Variants in SFI1 observed in about 807,000 individuals in gnomAD.
SFI1 encodes SFI1 centrin binding protein.
A neutral mutation model predicts 207.5 loss-of-function variants in SFI1; 195 were observed. That is an observed-to-expected ratio of 0.94 (90% CI 0.84 to 1.06). The LOEUF is 1.06. SFI1 is among the 50% of genes least tolerant of loss of function. The pLI, the probability that SFI1 is intolerant of heterozygous loss-of-function variation, is 0.00. For missense variants in SFI1, 1,634 were observed against 1,588.0 expected, an observed-to-expected ratio of 1.03 and a Z score of -0.49; for synonymous variants, 630 against 598.9, an observed-to-expected ratio of 1.05 and a Z score of -0.76.
In SFI1 at chr22:31,596,783, C is replaced by CAAA. The variant is rs11427119; in HGVS notation, c.1545-5413_1545-5411dup. On this transcript the variant is annotated intron_variant, in intron 15 of 32. Transcript: ENST00000400288. ...TAGGTGACAGAGCAAGATTCCATCTCAAAAAAAAAAAAAAAAAATGGCTTC... is the reference window on the plus strand; with the variant it reads ...TAGGTGACAGAGCAAGATTCCATCTCAAAAAAAAAAAAAAAAAAAAATGGCTTC... 6.3e-5 allele frequency among the ~76,000 whole-genome samples: 7 copies of CAAA among 111,552 alleles called. No homozygotes were observed. In the East Asian group the frequency reaches 8.2e-4, roughly 13 times the overall value. 73.2% of individuals were successfully genotyped at this position (111,552 alleles called of 152,430 possible). A position where few individuals can be genotyped will look rare whatever the true frequency, so the allele number is the denominator to read the frequency against.
chr22:31,613,127 T>A lies in SFI1; in HGVS notation c.2491-15T>A, dbSNP rs1409848989. 6.8e-6 allele frequency: 11 copies of A among 1,612,324 alleles called. No individual in the cohort carries two copies. Among genetic ancestry groups the A allele is most frequent in the South Asian group, 1.1e-5 (1 of 91,008 alleles). Reference sequence around the variant, plus strand: ...AAGGGGCTATAGGGAAATGATCTGGTCTTTCTGGCCCTAGCTGGCAGCCAG... The same window carrying A: ...AAGGGGCTATAGGGAAATGATCTGGACTTTCTGGCCCTAGCTGGCAGCCAG... On this transcript the variant is annotated splice_polypyrimidine_tract_variant and intron_variant, in intron 24 of 32. Coordinates refer to ENST00000400288, the MANE Select transcript of SFI1 (RefSeq NM_001007467.3).
In SFI1 at chr22:31,618,122, C is replaced by T. The variant is rs750116304; in HGVS notation, c.3520C>T (p.Arg1174Trp). The change falls in exon 32 of 33, where the codon CGG becomes TGG. Residue 1174 changes from arginine (R) to tryptophan (W), a missense_variant. Arg to Trp is a moderately radical substitution (Grantham distance 101, BLOSUM62 -3). Transcript: ENST00000400288. ...QTTKQNLWSC[R>W]RQASSLRRWL... ...GGTATCTCCACCCCTCAGGTCCTGTCGGCGGCAAGCGAGCAGCCTGCGCAG... is the reference window on the plus strand; with the variant it reads ...GGTATCTCCACCCCTCAGGTCCTGTTGGCGGCAAGCGAGCAGCCTGCGCAG... 5.7e-6 allele frequency: 9 copies of T among 1,572,630 alleles called. No homozygotes were observed. Among genetic ancestry groups the T allele is most frequent in the African/African-American group, 2.7e-5 (2 of 74,658 alleles).
chr22:31,542,472 A>G (rs1027186849), intron 4 of SFI1, among the ~76,000 whole-genome samples: 3 of 151,804 alleles, frequency 2.0e-5, no homozygotes, highest in African/African-American at 7.2e-5. Context: ...TACTAAAAAT[A>G]CAAAAATTAG....
At chr22:31,529,572 C>A (rs1031664922) in intron 3 of SFI1, among the ~76,000 whole-genome samples, 1 of 152,122 alleles carries the variant, frequency 6.6e-6, no homozygotes, top group East Asian at 1.9e-4. Flanking sequence ...CCAGGTGTTA[C>A]GCTAGATGCT....
intron 2 of SFI1, among the ~76,000 whole-genome samples, chr22:31,524,943 T>C (rs1201558312): frequency 1.3e-5 from 2 of 151,820 alleles, no homozygotes; most frequent in Admixed American, 6.6e-5. Context: ...TACAGGTGCA[T>C]GCCACCACGC....
chr22:31,537,915 A>G (rs140133834), intron 4 of SFI1, among the ~76,000 whole-genome samples: 2 of 152,270 alleles, frequency 1.3e-5, no homozygotes, highest in African/African-American at 4.8e-5. Flanking sequence ...ATATCATACC[A>G]CAAACTACAG....
chr22:31,505,956 TG>T (rs2146537226), intron 1 of SFI1, among the ~76,000 whole-genome samples: 1 of 150,322 alleles, frequency 6.7e-6, no homozygotes, highest in South Asian at 2.1e-4. Flanking sequence ...GAGGCTGAGG[TG>T]GGAGGATCAC....
chr22:31,600,139 C>T (rs374316340), intron 15 of SFI1, among the ~76,000 whole-genome samples: 1 of 152,068 alleles, frequency 6.6e-6, no homozygotes, highest in Non-Finnish European at 1.5e-5. Flanking sequence ...CCTCCTGCCT[C>T]AGCCTCCTGA....
intron 1 of SFI1, among the ~76,000 whole-genome samples, chr22:31,501,745 A>G (rs1040455679): frequency 2.6e-5 from 4 of 152,168 alleles, no homozygotes; most frequent in East Asian, 1.9e-4. Context: ...ATTATAGTCT[A>G]TACATTTTTG....
intron 12 of SFI1, among the ~76,000 whole-genome samples, 178 bp downstream of exon 12, chr22:31,580,542 C>CTTTTTTTTTTTTTTTTTTTTTTTT (rs11347645): frequency 1.5e-4 from 18 of 117,262 alleles, no homozygotes; most frequent in Admixed American, 1.9e-4. Context: ...CTTTTCTTTT[C>CTTTTTTTTTTTTTTTTTTTTTTTT]TTTTTTTTTT....
At chr22:31,617,970 C>T in intron 31 of SFI1, 145 bp from the exon 32 acceptor site, 2 of 831,920 alleles carry the variant, frequency 2.4e-6, no homozygotes, top group Non-Finnish European at 1.8e-6. Context: ...CAAGCAGGGG[C>T]CTGCAGTTCA....
intron 15 of SFI1, among the ~76,000 whole-genome samples, chr22:31,594,805 A>C (rs2066828786): frequency 7.0e-6 from 1 of 142,702 alleles, no homozygotes; most frequent in Non-Finnish European, 1.5e-5. Context: ...CAGTGAGCTG[A>C]GATCACACCA....
intron 15 of SFI1, among the ~76,000 whole-genome samples, chr22:31,598,564 C>T (rs1603297015): frequency 1.3e-5 from 2 of 150,914 alleles, no homozygotes; most frequent in Admixed American, 1.3e-4. Context: ...GGACTACAGA[C>T]GCCTGCCACC....
chr22:31,607,091 G>A (rs973483364), intron 21 of SFI1, among the ~76,000 whole-genome samples: 13 of 152,012 alleles, frequency 8.6e-5, no homozygotes, highest in African/African-American at 2.2e-4. Context: ...AAAAATACCC[G>A]AAGCTAGCCT....
At chr22:31,517,198 T>C (rs1056355910) in intron 2 of SFI1, among the ~76,000 whole-genome samples, 2 of 152,086 alleles carry the variant, frequency 1.3e-5, no homozygotes, top group East Asian at 1.9e-4. Context: ...AATTAATATG[T>C]GTTCTCTCAG....
chr22:31,569,826 G>A (rs961156045), intron 8 of SFI1, among the ~76,000 whole-genome samples: 17 of 151,900 alleles, frequency 1.1e-4, no homozygotes, highest in African/African-American at 4.1e-4. Flanking sequence ...GCATGTGTCT[G>A]TAGTCCCAGC....
chr22:31,589,797 T>TGTG (rs1556236256), intron 15 of SFI1, among the ~76,000 whole-genome samples: 7 of 151,308 alleles, frequency 4.6e-5, no homozygotes, highest in Non-Finnish European at 7.4e-5. Context: ...TTTATTTTTT[T>TGTG]TGTGTGTGTG....
chr22:31,613,297 T>A, intron 25 of SFI1, 57 bp from the exon 26 acceptor site: 4 of 1,606,244 alleles, frequency 2.5e-6, no homozygotes, highest in Non-Finnish European at 3.4e-6. Context: ...GGGCACCTGG[T>A]CTGTGGGGGA....
rs1339941595 is a variant in SFI1 at position 31,604,866 on chromosome 22, CA to C, written c.1978-2del. ...CAGCCTCAGTCTTCCTTGTCCCCTA[CA>C]GACTTACCAGGGCAGGGTGCGAAGC... On this transcript the variant is annotated splice_acceptor_variant, in intron 19 of 32. Transcript: ENST00000400288. LOFTEE classifies it high-confidence loss of function. 1.1e-5 allele frequency: 17 copies of C among 1,611,372 alleles called. No homozygotes were observed. Among genetic ancestry groups the C allele is most frequent in the Non-Finnish European group, 1.3e-5 (15 of 1,178,748 alleles).
Sources: gnomAD v4.1 joint callset for allele counts (sites outside exome capture counted in the v4.1 genomes callset) on GRCh38, gnomAD v4.1.1 for gene constraint, MANE v1.5 for transcripts, NCBI Gene and HGNC (gene_info 2026-07-23, HGNC 2026-07-21) for gene names.